Variants in CSPP1 observed in about 807,000 individuals in gnomAD.
CSPP1 encodes centrosome and spindle pole-associated protein 1.
A neutral mutation model predicts 164.4 loss-of-function variants in CSPP1; 126 were observed. The ratio of observed to expected loss-of-function variants is 0.77; its 90% CI spans 0.66 to 0.89. The LOEUF is 0.89. CSPP1 is among the 40% of genes least tolerant of loss of function. CSPP1 has a pLI of 0.00. For synonymous variants in CSPP1, 472 were observed against 476.7 expected, an observed-to-expected ratio of 0.99 and a Z score of 0.13; for missense variants, 1,395 against 1,449.8, an observed-to-expected ratio of 0.96 and a Z score of 0.61.
chr8:67,113,116 A>G (rs1026233455), intron 10 of CSPP1, among the ~76,000 whole-genome samples: 9 of 152,124 alleles, frequency 5.9e-5, no homozygotes, highest in African/African-American at 1.7e-4. Flanking sequence ...GTGGTGGCAC[A>G]TGCTTGTGGT....
At chr8:67,080,295 T>C (rs1585886497) in intron 3 of CSPP1, among the ~76,000 whole-genome samples, 1 of 152,254 alleles carries the variant, frequency 6.6e-6, no homozygotes, top group Admixed American at 6.5e-5. Context: ...TAATCAGTGA[T>C]ATATAAACTG....
In CSPP1 at chr8:67,147,379, T is replaced by C. The variant is rs117485735; in HGVS notation, c.1976-2404T>C. ...GTCCCTTCTCTTTGCATTTTTTCTA[T>C]TTATTTCTTCTTTCTACCTCTGAAC... is the stretch of plus-strand genomic sequence containing the variant. On this transcript the variant is annotated intron_variant, in intron 17 of 30. Transcript: ENST00000678616. 2.6e-3 allele frequency among the ~76,000 whole-genome samples: 402 copies of C among 152,320 alleles called. 3 individuals carry two copies. Among genetic ancestry groups the C allele is most frequent in the Middle Eastern group, 0.017 (5 of 294 alleles).
intron 4 of CSPP1, among the ~76,000 whole-genome samples, chr8:67,090,536 A>G (rs1372230229): frequency 6.6e-6 from 1 of 152,078 alleles, no homozygotes; most frequent in Non-Finnish European, 1.5e-5. Flanking sequence ...TGCCTGCCTC[A>G]ACCTCCCAAC....
intron 30 of CSPP1, among the ~76,000 whole-genome samples, chr8:67,194,626 GGAGC>G: frequency 6.6e-6 from 1 of 151,410 alleles, no homozygotes. Context: ...CTTTCAAACA[GGAGC>G]TTTTTGTTAT....
At chr8:67,065,591 G>T (rs1805377830) in intron 1 of CSPP1, 1 of 741,376 alleles carries the variant, frequency 1.3e-6, no homozygotes, top group Non-Finnish European at 1.6e-6. Flanking sequence ...TAGCTTTCTG[G>T]TGATTAAATG....
intron 26 of CSPP1, among the ~76,000 whole-genome samples, chr8:67,177,022 G>A (rs1034188273): frequency 7.4e-6 from 1 of 134,732 alleles, no homozygotes; most frequent in East Asian, 2.3e-4. Context: ...AGAGAGCCAA[G>A]ATCGTGCCAC....
chr8:67,148,426 A>G (rs2129557661), intron 17 of CSPP1, among the ~76,000 whole-genome samples: 1 of 152,330 alleles, frequency 6.6e-6, no homozygotes, highest in East Asian at 1.9e-4. Context: ...CAGAACACTC[A>G]TCATGCTTTA....
intron 30 of CSPP1, 45 bp downstream of exon 30, chr8:67,193,647 C>G: frequency 6.5e-7 from 1 of 1,540,750 alleles, no homozygotes; most frequent in South Asian, 1.2e-5. Flanking sequence ...CCTGTATGAA[C>G]TTTTAAACTT....
chr8:67,098,493 T>A (rs1813313168), intron 7 of CSPP1, among the ~76,000 whole-genome samples: 1 of 151,932 alleles, frequency 6.6e-6, no homozygotes, highest in South Asian at 2.1e-4. Context: ...TGATGTTGCC[T>A]TCCTAAACTC....
In CSPP1 at chr8:67,138,172, A is replaced by T. The variant is rs559049908; in HGVS notation, c.1975+569A>T. 1.1e-3 allele frequency among the ~76,000 whole-genome samples: 167 copies of T among 152,334 alleles called. 1 individual carries two copies. Among genetic ancestry groups the T allele is most frequent in the African/African-American group, 3.8e-3 (160 of 41,588 alleles). ...TTGATCTAGTAATCACACAACAAAT[A>T]CTTCGAAAGAGTGGCTTTATACAAC... On this transcript the variant is annotated intron_variant, in intron 17 of 30. Transcript: ENST00000678616.
At position 67,079,597 on chromosome 8, in the gene CSPP1, A is replaced by C. The variant is rs1484534698; in HGVS notation, c.199+3016A>C. On this transcript the variant is annotated intron_variant, in intron 3 of 30. Transcript: ENST00000678616. Reference sequence around the variant, plus strand: ...GTCTAGCCCCGTGTATCAAATCTCTATGTTTTCTATATATTTGCATAAAAC... The same window carrying C: ...GTCTAGCCCCGTGTATCAAATCTCTCTGTTTTCTATATATTTGCATAAAAC... Among the ~76,000 whole-genome samples the C allele has an allele frequency of 2.6e-5, 4 of 152,054 alleles. 1 individual carries two copies. Among genetic ancestry groups the C allele is most frequent in the Non-Finnish European group, 5.9e-5 (4 of 68,004 alleles).
rs148062102 is a variant in CSPP1, at chr8:67,093,207, A to G, written c.385-336A>G. ...CATGGCTCTTTGGAAAATGTCATCTAAGCTCTGTTAACTATTGGAGTGTAA... is the reference window on the plus strand; with the variant it reads ...CATGGCTCTTTGGAAAATGTCATCTGAGCTCTGTTAACTATTGGAGTGTAA... On this transcript the variant is annotated intron_variant, in intron 5 of 30. Coordinates refer to ENST00000678616, the MANE Select transcript of CSPP1 (RefSeq NM_001382391.1). Among the ~76,000 whole-genome samples the G allele has an allele frequency of 7.6e-4, 116 of 152,290 alleles. 1 individual carries two copies. Among genetic ancestry groups the G allele is most frequent in the African/African-American group, 2.6e-3 (109 of 41,548 alleles).
intron 1 of CSPP1, among the ~76,000 whole-genome samples, chr8:67,072,420 T>C (rs1043728234): frequency 3.3e-5 from 5 of 152,166 alleles, no homozygotes; most frequent in African/African-American, 1.2e-4. Flanking sequence ...AAACCACAGA[T>C]TGGCAGAAAA....
rs760015852 is a variant in CSPP1, at chr8:67,064,414, C to T, written c.-135C>T. On this transcript the variant is annotated 5_prime_UTR_variant, in exon 1 of 31. The change creates a premature stop within an existing upstream ORF in the 5' untranslated region. Transcript: ENST00000678616. Reference sequence around the variant, plus strand: ...GAGGTCTGTCATGCTGTTCCCGCTCCAGGTGGCCGCTGTAACCTCTTCGGT... The same window carrying T: ...GAGGTCTGTCATGCTGTTCCCGCTCTAGGTGGCCGCTGTAACCTCTTCGGT... The T allele has an allele frequency of 2.5e-6, 4 of 1,613,716 alleles. No individual in the cohort carries two copies. The highest frequency in any genetic ancestry group is 1.3e-5 in the African/African-American group (1 of 74,922).
At chr8:67,080,148 C>T (rs989207161) in intron 3 of CSPP1, among the ~76,000 whole-genome samples, 4 of 152,120 alleles carry the variant, frequency 2.6e-5, no homozygotes, top group Non-Finnish European at 5.9e-5. Context: ...AATTATTTGG[C>T]AACTAAGGGT....
rs1386940689 is a variant in CSPP1, at chr8:67,136,727, G to A, written c.1828-729G>A. Among the ~76,000 whole-genome samples, 3 of 152,054 alleles carry A rather than the reference G, an allele frequency of 2.0e-5. 1 individual carries two copies. The highest frequency in any genetic ancestry group is 7.3e-5 in the African/African-American group (3 of 41,376). On this transcript the variant is annotated intron_variant, in intron 16 of 30. Transcript: ENST00000678616. ...ATTCTGGGAATAGAGTTTGCCTAGG[G>A]AAAGTAGGTCTGGTAAGGTTGAGGG...
chr8:67,130,647 A>AT (rs1045635021), intron 15 of CSPP1, among the ~76,000 whole-genome samples: 1 of 152,222 alleles, frequency 6.6e-6, no homozygotes, highest in Non-Finnish European at 1.5e-5. Context: ...AATGGAACTC[A>AT]TTTTTTAAAG....
At chr8:67,189,385 T>C (rs1586907816) in intron 28 of CSPP1, among the ~76,000 whole-genome samples, 1 of 152,154 alleles carries the variant, frequency 6.6e-6, no homozygotes, top group Admixed American at 6.5e-5. Flanking sequence ...AGTAGGTGAA[T>C]GGATAAAGTG....
intron 27 of CSPP1, among the ~76,000 whole-genome samples, chr8:67,178,023 G>A (rs1832104609): frequency 6.6e-6 from 1 of 152,194 alleles, no homozygotes; most frequent in African/African-American, 2.4e-5. Context: ...TCTGTAAAAT[G>A]AGGATAATAG....
Sources: gnomAD v4.1 joint callset for allele counts (sites outside exome capture counted in the v4.1 genomes callset) on GRCh38, gnomAD v4.1.1 for gene constraint, MANE v1.5 for transcripts, NCBI Gene and HGNC (gene_info 2026-07-23, HGNC 2026-07-21) for gene names.